Variants in DPYSL2 observed in about 807,000 individuals in gnomAD.
DPYSL2 encodes the protein dihydropyrimidinase-related protein 2.
DPYSL2 carries 13 observed loss-of-function variants against 69.9 expected under a neutral mutation model. The observed-to-expected ratio is 0.19, with a 90% CI of 0.12 to 0.30. The LOEUF is 0.30. DPYSL2 is among the 10% of genes least tolerant of loss of function. DPYSL2 has a pLI of 1.00. For synonymous variants in DPYSL2, 326 were observed against 359.1 expected (o/e 0.91, Z 1.04); for missense variants, 587 against 918.9 (o/e 0.64, Z 4.67).
chr8:26,630,774 A>G (rs1210916175), intron 7 of DPYSL2, among the ~76,000 whole-genome samples: 1 of 152,186 alleles, frequency 6.6e-6, no homozygotes, highest in Non-Finnish European at 1.5e-5. Flanking sequence ...CTGCCCAGTT[A>G]TCAAAGCAGA....
In DPYSL2 at chr8:26,624,402, C is replaced by A. The variant is rs1194057564; in HGVS notation, c.793+95C>A. ...GAAGAAAGTGATAATGCTTCCAGAT[C>A]CCATTTGTGCCTCATGCCCATGCCT... On this transcript the variant is annotated intron_variant, in intron 4 of 13. Transcript: ENST00000521913. The surrounding 1 kb of genome is among the most constrained non-coding windows in gnomAD (Gnocchi z 4.7). 6.9e-7 allele frequency: 1 copy of A among 1,452,760 alleles called. No individual in the cohort carries two copies. Among genetic ancestry groups the A allele is most frequent in the African/African-American group, 1.4e-5 (1 of 71,768 alleles). The allele number at this position is 1,452,760 out of a possible 1,614,324, so 90.0% of individuals were successfully genotyped here. A position where few individuals can be genotyped will look rare whatever the true frequency, so the allele number is the denominator to read the frequency against.
intron 1 of DPYSL2, among the ~76,000 whole-genome samples, chr8:26,556,365 G>GTATATATATAGTATATATATATAGTA (rs1563385519): frequency 2.3e-5 from 1 of 43,704 alleles, no homozygotes; most frequent in Non-Finnish European, 4.7e-5. Flanking sequence ...TATATATATA[G>GTATATATATAGTATATATATATAGTA]TATATATATA....
Position 26,624,127 on chromosome 8 carries a change from G to T in DPYSL2, c.629-16G>T. The stretch of plus-strand genomic sequence containing the variant: ...GAGGCTCTTGGTGATGATGACATAT[G>T]TCTGTTTCTTTCTAGTTGACCACGT... On this transcript the variant is annotated splice_polypyrimidine_tract_variant and intron_variant, in intron 3 of 13. Transcript: ENST00000521913. The surrounding 1 kb of genome is among the most constrained non-coding windows in gnomAD (Gnocchi z 4.7). 6.2e-7 allele frequency: 1 copy of T among 1,614,050 alleles called. No homozygotes were observed. The highest frequency in any genetic ancestry group is 1.1e-5 in the South Asian group (1 of 91,058).
At chr8:26,649,919 C>T (rs1803248426) in intron 11 of DPYSL2, among the ~76,000 whole-genome samples, 1 of 152,128 alleles carries the variant, frequency 6.6e-6, no homozygotes, top group African/African-American at 2.4e-5. Flanking sequence ...CACTGAGAGT[C>T]ATGGGGCTGG....
chr8:26,543,330 ATC>A (rs1435662426), intron 1 of DPYSL2, among the ~76,000 whole-genome samples: 1 of 152,208 alleles, frequency 6.6e-6, no homozygotes, highest in Non-Finnish European at 1.5e-5. Flanking sequence ...ATCTGCATAC[ATC>A]TCTCCCTTCA....
chr8:26,593,472 C>T lies in DPYSL2; in HGVS notation c.628+9489C>T, dbSNP rs1369092822. ...TTCCGAAACCCAGAGCTGCCCTCTG[C>T]TCCCTGCTTTGTCCTGTCCTCTTCA... On this transcript the variant is annotated intron_variant, in intron 3 of 13. Coordinates refer to ENST00000521913, the MANE Select transcript of DPYSL2 (RefSeq NM_001197293.3). The surrounding 1 kb of genome is among the most constrained non-coding windows in gnomAD (Gnocchi z 5.7). 6.6e-6 allele frequency among the ~76,000 whole-genome samples: 1 copy of T among 152,222 alleles called. No individual in the cohort carries two copies. Among genetic ancestry groups the T allele is most frequent in the African/African-American group, 2.4e-5 (1 of 41,464 alleles).
intron 1 of DPYSL2, among the ~76,000 whole-genome samples, chr8:26,572,455 C>T (rs560946273): frequency 2.0e-5 from 3 of 152,278 alleles, no homozygotes; most frequent in African/African-American, 4.8e-5. Context: ...CCTGCTTGAG[C>T]CCCCAGCCTT....
At chr8:26,607,069 A>C (rs1802122766) in intron 3 of DPYSL2, among the ~76,000 whole-genome samples, 1 of 152,252 alleles carries the variant, frequency 6.6e-6, no homozygotes, top group African/African-American at 2.4e-5. Context: ...ATTTAGCTCT[A>C]AGGATGTTCA....
intron 1 of DPYSL2, among the ~76,000 whole-genome samples, chr8:26,551,229 G>A (rs1204462900): frequency 6.6e-6 from 1 of 152,194 alleles, no homozygotes; most frequent in Non-Finnish European, 1.5e-5. Context: ...CAAGTTGACA[G>A]CCCCAATCTA....
chr8:26,596,980 G>A (rs1006878758), intron 3 of DPYSL2, among the ~76,000 whole-genome samples: 5 of 152,184 alleles, frequency 3.3e-5, no homozygotes, highest in African/African-American at 1.2e-4. Flanking sequence ...AAAGATTTTG[G>A]TGTTCAAGTT....
chr8:26,641,543 G>A lies in DPYSL2; in HGVS notation c.1127-1896G>A, dbSNP rs549300486. ...ATAAAGGTCTTTGGCAGCGGCCAAG[G>A]CCTTCTCATTATGTGGTGTTTTTCC... On this transcript the variant is annotated intron_variant, in intron 8 of 13. Transcript: ENST00000521913. This position sits in a 1 kb window ranked among gnomAD's most constrained non-coding sequence, Gnocchi z 4.1. Among the ~76,000 whole-genome samples, 9 of 152,358 alleles carry A rather than the reference G, an allele frequency of 5.9e-5. No homozygotes were observed. Among genetic ancestry groups the A allele is most frequent in the African/African-American group, 1.7e-4 (7 of 41,578 alleles).
chr8:26,533,793 A>T lies in DPYSL2; in HGVS notation c.354+19114A>T, dbSNP rs1417809384. Reference sequence around the variant, plus strand: ...CCTGGAGATCCCAGATGGAGAAAAGATGGTAGAAGAATTGAGGCTTGCAAG... The same window carrying T: ...CCTGGAGATCCCAGATGGAGAAAAGTTGGTAGAAGAATTGAGGCTTGCAAG... On this transcript the variant is annotated intron_variant, in intron 1 of 13. Coordinates refer to ENST00000521913, the MANE Select transcript of DPYSL2 (RefSeq NM_001197293.3). The surrounding 1 kb of genome is among the most constrained non-coding windows in gnomAD (Gnocchi z 4.8). 6.6e-6 allele frequency among the ~76,000 whole-genome samples: 1 copy of T among 152,244 alleles called. No homozygotes were observed. The highest frequency in any genetic ancestry group is 1.5e-5 in the Non-Finnish European group (1 of 68,038).
In DPYSL2 at chr8:26,647,061, A is replaced by G. The variant is rs1471066352; in HGVS notation, c.1426-569A>G. ...AAAGGACAGCCAATTGGGCCAAATG[A>G]TATTTCCTAAAGAGGGATTGCCACC... is the stretch of plus-strand genomic sequence containing the variant. On this transcript the variant is annotated intron_variant, in intron 10 of 13. Coordinates refer to ENST00000521913, the MANE Select transcript of DPYSL2 (RefSeq NM_001197293.3). This position sits in a 1 kb window ranked among gnomAD's most constrained non-coding sequence, Gnocchi z 5.1. 6.6e-6 allele frequency among the ~76,000 whole-genome samples: 1 copy of G among 152,024 alleles called. No individual in the cohort carries two copies. The highest frequency in any genetic ancestry group is 2.4e-5 in the African/African-American group (1 of 41,396).
In DPYSL2 at chr8:26,627,069, C is replaced by A; in HGVS notation, c.856-146C>A. The A allele has an allele frequency of 1.4e-6, 1 of 699,232 alleles. No individual in the cohort carries two copies. The highest frequency in any genetic ancestry group is 2.5e-6 in the Non-Finnish European group (1 of 402,930). The allele number at this position is 699,232 out of a possible 1,614,324, so 43.3% of individuals were successfully genotyped here. A position where few individuals can be genotyped will look rare whatever the true frequency, so the allele number is the denominator to read the frequency against. ...CAAATGTGGCCAGTAACATTGCCCT[C>A]ATCATATCAAAAAAAGTCAGGCTAA... On this transcript the variant is annotated intron_variant, in intron 5 of 13. Coordinates refer to ENST00000521913, the MANE Select transcript of DPYSL2 (RefSeq NM_001197293.3). This position sits in a 1 kb window ranked among gnomAD's most constrained non-coding sequence, Gnocchi z 6.9.
At chr8:26,567,276 C>T (rs955335022) in intron 1 of DPYSL2, among the ~76,000 whole-genome samples, 2 of 29,746 alleles carry the variant, frequency 6.7e-5, no homozygotes, top group Non-Finnish European at 1.3e-4. Flanking sequence ...CATTTATCCA[C>T]CTACCCATCC....
chr8:26,630,578 G>A (rs1408120975), intron 7 of DPYSL2, among the ~76,000 whole-genome samples: 1 of 148,890 alleles, frequency 6.7e-6, no homozygotes, highest in African/African-American at 2.5e-5. Flanking sequence ...ACTGTCCTGT[G>A]CAGGAGGTAC....
chr8:26,655,148 C>G (rs1405148977), intron 13 of DPYSL2, among the ~76,000 whole-genome samples: 1 of 152,042 alleles, frequency 6.6e-6, no homozygotes, highest in African/African-American at 2.4e-5. Context: ...GCCACCATGC[C>G]TGCTCTCCAC....
rs1251366208 is a variant in DPYSL2, at chr8:26,565,161, A to G, written c.355-16808A>G. Among the ~76,000 whole-genome samples the G allele has an allele frequency of 2.6e-5, 4 of 152,072 alleles. No individual in the cohort carries two copies. The highest frequency in any genetic ancestry group is 4.8e-5 in the African/African-American group (2 of 41,400). ...GTATTCCAAGGTGTATATGTACCACATTTTCTTCATCCACTCATTGGTCAG... is the reference window on the plus strand; with the variant it reads ...GTATTCCAAGGTGTATATGTACCACGTTTTCTTCATCCACTCATTGGTCAG... On this transcript the variant is annotated intron_variant, in intron 1 of 13. Transcript: ENST00000521913. This position sits in a 1 kb window ranked among gnomAD's most constrained non-coding sequence, Gnocchi z 4.1.
At chr8:26,635,540 G>A (rs1585563641) in intron 8 of DPYSL2, among the ~76,000 whole-genome samples, 2 of 152,270 alleles carry the variant, frequency 1.3e-5, no homozygotes, top group South Asian at 2.1e-4. Flanking sequence ...GTCACCCACC[G>A]CTGACAACAT....
Sources: gnomAD v4.1 joint callset for allele counts (sites outside exome capture counted in the v4.1 genomes callset) on GRCh38, gnomAD v4.1.1 for gene constraint, Gnocchi (gnomAD v3.1) non-coding constraint, MANE v1.5 for transcripts, NCBI Gene and HGNC (gene_info 2026-07-23, HGNC 2026-07-21) for gene names.